The following NKAIN1 variants were observed in gnomAD, a reference collection of about 807,000 sequenced individuals.
NKAIN1 encodes sodium/potassium-transporting ATPase subunit beta-1-interacting protein 1.
A neutral mutation model predicts 31.6 loss-of-function variants in NKAIN1; 13 were observed. The ratio of observed to expected loss-of-function variants is 0.41; its 90% CI spans 0.27 to 0.65. NKAIN1 has a LOEUF of 0.65. Ranked by LOEUF, NKAIN1 falls within the 30% of genes least tolerant of loss-of-function variation. NKAIN1 has a pLI of 0.30. For missense variants in NKAIN1, 193 were observed against 262.2 expected, an observed-to-expected ratio of 0.74 and a Z score of 1.82; for synonymous variants, 104 against 109.0, an observed-to-expected ratio of 0.95 and a Z score of 0.28.
At chr1:31,228,275 C>A (rs1385087053) in intron 1 of NKAIN1, among the ~76,000 whole-genome samples, 1 of 152,166 alleles carries the variant, frequency 6.6e-6, no homozygotes, top group African/African-American at 2.4e-5. Flanking sequence ...GGCTTAGGAA[C>A]CAATCCTTAT....
At position 31,222,236 on chromosome 1, in the gene NKAIN1, C is replaced by T. The variant is rs56387233; in HGVS notation, c.54+17258G>A. On this transcript the variant is annotated intron_variant, in intron 1 of 6. Coordinates refer to ENST00000373736, the MANE Select transcript of NKAIN1 (RefSeq NM_024522.3). ...GGGTCCAGGGCAGTCTGGTGAGGGG[C>T]TGGTAAAAACCCACATCTGAAAGCT... is the stretch of plus-strand genomic sequence containing the variant. 1.4e-3 allele frequency among the ~76,000 whole-genome samples: 211 copies of T among 152,292 alleles called. 1 individual carries two copies. Among genetic ancestry groups the T allele is most frequent in the Non-Finnish European group, 2.4e-3 (165 of 68,020 alleles).
chr1:31,239,369 A>T lies in NKAIN1; in HGVS notation c.54+125T>A. On this transcript the variant is annotated intron_variant, in intron 1 of 6. Transcript: ENST00000373736. This position sits in a 1 kb window ranked among gnomAD's most constrained non-coding sequence, Gnocchi z 4.8. ...CCCGACCGCTCCGAGACTCCAGACC[A>T]CCCCCCGCCCGGGCACACGCACCAG... 1.6e-6 allele frequency: 1 copy of T among 618,002 alleles called. No homozygotes were observed. Among genetic ancestry groups the T allele is most frequent in the Non-Finnish European group, 2.4e-6 (1 of 422,624 alleles). 38.3% of individuals were successfully genotyped at this position (618,002 alleles called of 1,614,324 possible). A position where few individuals can be genotyped will look rare whatever the true frequency, so the allele number is the denominator to read the frequency against.
chr1:31,183,808 A>G lies in NKAIN1; in HGVS notation c.471+9T>C, dbSNP rs1332619925. Reference sequence around the variant, plus strand: ...AAGTGTGTGTAGGGTGGGGGACAGAAGGACTTACTGCCAGGAAGATCTGCA... The same window carrying G: ...AAGTGTGTGTAGGGTGGGGGACAGAGGGACTTACTGCCAGGAAGATCTGCA... On this transcript the variant is annotated intron_variant, in intron 4 of 6. Transcript: ENST00000373736. The G allele has an allele frequency of 6.2e-7, 1 of 1,609,144 alleles. No individual in the cohort carries two copies. Among genetic ancestry groups the G allele is most frequent in the Non-Finnish European group, 8.5e-7 (1 of 1,177,122 alleles).
rs368424578 is a variant in NKAIN1 at position 31,181,751 on chromosome 1, A to G, written c.615-39T>C. The G allele has an allele frequency of 2.0e-4, 307 of 1,530,084 alleles. 1 individual carries two copies. Among genetic ancestry groups the G allele is most frequent in the Non-Finnish European group, 2.6e-4 (295 of 1,133,318 alleles). The allele number at this position is 1,530,084 out of a possible 1,614,324, so 94.8% of individuals were successfully genotyped here. ...AGGCAGGTTAGGGAGAGTGGATCCC[A>G]AAAGTATGGGGGCGGAGAGACCCGG... On this transcript the variant is annotated intron_variant, in intron 6 of 6. Coordinates refer to ENST00000373736, the MANE Select transcript of NKAIN1 (RefSeq NM_024522.3).
intron 1 of NKAIN1, among the ~76,000 whole-genome samples, chr1:31,190,517 G>GTCCCATCTTGGCACCACCTTT (rs1209018460): frequency 6.6e-6 from 1 of 152,186 alleles, no homozygotes; most frequent in Admixed American, 6.5e-5. Context: ...TCAGCCACCT[G>GTCCCATCTTGGCACCACCTTT]TCCCATCTTG....
At chr1:31,236,295 C>T (rs1645691849) in intron 1 of NKAIN1, among the ~76,000 whole-genome samples, 1 of 152,188 alleles carries the variant, frequency 6.6e-6, no homozygotes, top group Non-Finnish European at 1.5e-5. Context: ...ACCCTCACAC[C>T]TCACTCCCTC....
rs890130040 is a variant in NKAIN1 at position 31,181,579 on chromosome 1, G to A, written c.*124C>T. Reference sequence around the variant, plus strand: ...AGTCCGCATCTCCAGATGCAGACGCGGGGTTGGGCACAGGCTGCAGTGAGC... The same window carrying A: ...AGTCCGCATCTCCAGATGCAGACGCAGGGTTGGGCACAGGCTGCAGTGAGC... On this transcript the variant is annotated 3_prime_UTR_variant, in exon 7 of 7. Coordinates refer to ENST00000373736, the MANE Select transcript of NKAIN1 (RefSeq NM_024522.3). 2 of 848,852 alleles carry A rather than the reference G, an allele frequency of 2.4e-6. No homozygotes were observed. Among genetic ancestry groups the A allele is most frequent in the South Asian group, 4.4e-5 (1 of 22,910 alleles). 52.6% of individuals were successfully genotyped at this position (848,852 alleles called of 1,614,324 possible).
chr1:31,232,426 GA>G (rs1645659630), intron 1 of NKAIN1, among the ~76,000 whole-genome samples: 4 of 12,508 alleles, frequency 3.2e-4, no homozygotes, highest in African/African-American at 9.0e-4. Context: ...TATATATATA[GA>G]GAGAGAGAGA....
At chr1:31,201,668 C>T (rs1415925683) in intron 1 of NKAIN1, among the ~76,000 whole-genome samples, 1 of 152,080 alleles carries the variant, frequency 6.6e-6, no homozygotes, top group African/African-American at 2.4e-5. Context: ...GCCAATCCTA[C>T]CCCTTTTTAT....
intron 1 of NKAIN1, among the ~76,000 whole-genome samples, chr1:31,215,731 C>T (rs908678884): frequency 2.6e-5 from 4 of 152,124 alleles, no homozygotes; most frequent in African/African-American, 7.2e-5. Context: ...GGCCTGTTAC[C>T]GCTGGAGCAG....
At chr1:31,202,756 A>AC (rs1295725856) in intron 1 of NKAIN1, among the ~76,000 whole-genome samples, 11 of 150,970 alleles carry the variant, frequency 7.3e-5, no homozygotes, top group African/African-American at 1.7e-4. Flanking sequence ...AGGTGGGCGG[A>AC]TCACGAGGTC....
At chr1:31,209,511 CT>C (rs1368000939) in intron 1 of NKAIN1, among the ~76,000 whole-genome samples, 1 of 152,210 alleles carries the variant, frequency 6.6e-6, no homozygotes, top group East Asian at 1.9e-4. Flanking sequence ...TCCTGGAACT[CT>C]TTTTTATCCT....
At chr1:31,191,658 GT>G in intron 1 of NKAIN1, among the ~76,000 whole-genome samples, 1 of 152,162 alleles carries the variant, frequency 6.6e-6, no homozygotes, top group East Asian at 1.9e-4. Flanking sequence ...AAGCTTCTTA[GT>G]TTGGCACCGA....
At chr1:31,194,387 C>T (rs1645307917) in intron 1 of NKAIN1, among the ~76,000 whole-genome samples, 4 of 149,018 alleles carry the variant, frequency 2.7e-5, no homozygotes, top group Admixed American at 6.7e-5. Flanking sequence ...TTTTTCTTTC[C>T]TTTTTTTTCT....
intron 2 of NKAIN1, among the ~76,000 whole-genome samples, chr1:31,187,384 G>A (rs1645251790): frequency 1.3e-5 from 2 of 152,128 alleles, no homozygotes; most frequent in Admixed American, 6.5e-5. Context: ...AGGCTGTCGG[G>A]GAGGAGGAGA....
At chr1:31,187,867 A>C (rs1485895062) in intron 2 of NKAIN1, among the ~76,000 whole-genome samples, 183 bp downstream of exon 2, 3 of 151,082 alleles carry the variant, frequency 2.0e-5, no homozygotes, top group African/African-American at 4.9e-5. Context: ...GAAAAAAAAA[A>C]CCCTTGTCTC....
chr1:31,184,126 C>G, intron 3 of NKAIN1, 112 bp from the exon 4 acceptor site: 1 of 885,188 alleles, frequency 1.1e-6, no homozygotes, highest in Non-Finnish European at 1.7e-6. Context: ...GAGCCTGCAC[C>G]TGCAAGTCCA....
In NKAIN1 at chr1:31,197,789, T is replaced by G. The variant is rs377306151; in HGVS notation, c.55-9602A>C. Reference sequence around the variant, plus strand: ...CTCAAACTCCTGACCTCAAGTGATCTGCCCACCGTGGCCTCCCAAAGTGTT... The same window carrying G: ...CTCAAACTCCTGACCTCAAGTGATCGGCCCACCGTGGCCTCCCAAAGTGTT... On this transcript the variant is annotated intron_variant, in intron 1 of 6. Transcript: ENST00000373736. Among the ~76,000 whole-genome samples the G allele has an allele frequency of 1.4e-4, 21 of 152,232 alleles. No individual in the cohort carries two copies. In the East Asian group the frequency reaches 3.1e-3, roughly 22 times the overall value.
chr1:31,228,316 G>T (rs1484758410), intron 1 of NKAIN1, among the ~76,000 whole-genome samples: 1 of 152,098 alleles, frequency 6.6e-6, no homozygotes, highest in Non-Finnish European at 1.5e-5. Context: ...TGTCCTTCTA[G>T]GGCAAGGGGT....
Sources: allele counts gnomAD v4.1 joint callset (sites outside exome capture counted in the v4.1 genomes callset), GRCh38; gene constraint gnomAD v4.1.1; non-coding constraint Gnocchi (gnomAD v3.1); transcripts MANE v1.5; gene names NCBI Gene and HGNC (gene_info 2026-07-23, HGNC 2026-07-21).